CADM1: variants seen among roughly 807,000 people sequenced by gnomAD.
CADM1 encodes the protein cell adhesion molecule 1, also known as TSLC-1.
Under a neutral mutation model 53.1 loss-of-function variants are expected in CADM1, and 15 were observed. That is an observed-to-expected ratio of 0.28 (90% CI 0.19 to 0.44). The LOEUF (loss-of-function observed/expected upper bound fraction) is 0.44, where lower values mean the gene tolerates loss of function less well. Among genes scored for constraint, CADM1 ranks in the 20% least tolerant of loss-of-function variants. The probability of loss-of-function intolerance (pLI) is 1.00; values close to 1 mark genes in which losing one functional copy is unlikely to be tolerated. For missense variants in CADM1, 434 were observed against 611.3 expected (o/e 0.71, Z 3.06); for synonymous variants, 281 against 243.0 (o/e 1.16, Z -1.45).
intron 1 of CADM1, among the ~76,000 whole-genome samples, chr11:115,346,169 A>AT (rs1945571540): frequency 6.6e-6 from 1 of 152,136 alleles, no homozygotes; most frequent in Admixed American, 6.5e-5. Context: ...AAATATCCAC[A>AT]TGTGGTTCAG....
At chr11:115,192,397 T>A (rs1591591010) in intron 9 of CADM1, among the ~76,000 whole-genome samples, 1 of 152,234 alleles carries the variant, frequency 6.6e-6, no homozygotes, top group Non-Finnish European at 1.5e-5. Flanking sequence ...CAGTGAGCAA[T>A]GCAATCAATT....
At chr11:115,409,693 C>T (rs919635578) in intron 1 of CADM1, among the ~76,000 whole-genome samples, 2 of 151,878 alleles carry the variant, frequency 1.3e-5, no homozygotes, top group Admixed American at 1.3e-4. Flanking sequence ...GGTTCCTTGA[C>T]CCTCAAGACG....
Position 115,484,946 on chromosome 11 carries a change from C to CA in CADM1, c.124+19324dup, listed in dbSNP as rs113318647. On this transcript the variant is annotated intron_variant, in intron 1 of 11. Coordinates refer to ENST00000331581, the MANE Select transcript of CADM1 (RefSeq NM_001301043.2). ...TGGGCAACAGAGCGAGACTCTGTCTCAAAAAAAAAAAAAAAGAAAAGAAAA... is the reference window on the plus strand; with the variant it reads ...TGGGCAACAGAGCGAGACTCTGTCTCAAAAAAAAAAAAAAAAGAAAAGAAAA... 8.5e-3 allele frequency among the ~76,000 whole-genome samples: 781 copies of CA among 91,658 alleles called. 1 individual carries two copies. The highest frequency in any genetic ancestry group is 0.015 in the South Asian group (40 of 2,682). The allele number at this position is 91,658 out of a possible 152,430, so 60.1% of individuals were successfully genotyped here.
At chr11:115,484,047 A>G (rs1362098316) in intron 1 of CADM1, among the ~76,000 whole-genome samples, 1 of 152,240 alleles carries the variant, frequency 6.6e-6, no homozygotes, top group Non-Finnish European at 1.5e-5. Flanking sequence ...TCCTAAAGGT[A>G]ACATGCAAAA....
chr11:115,340,929 C>T (rs1371310590), intron 1 of CADM1, among the ~76,000 whole-genome samples: 1 of 151,582 alleles, frequency 6.6e-6, no homozygotes, highest in Non-Finnish European at 1.5e-5. Flanking sequence ...GCTGGGATTA[C>T]AGGCATGAGC....
At chr11:115,343,890 T>C (rs562729088) in intron 1 of CADM1, among the ~76,000 whole-genome samples, 18 of 152,288 alleles carry the variant, frequency 1.2e-4, no homozygotes, top group Admixed American at 1.0e-3. Flanking sequence ...TTGAGTTTCT[T>C]CTTAGTGTCA....
In CADM1 at chr11:115,238,537, A is replaced by T; in HGVS notation, c.387T>A (p.Asp129Glu). ...EGRYFCQLYT[D>E]PPQESYTTIT... Reference sequence around the variant, plus strand: ...TGGTGGTGTAACTTTCCTGTGGGGGATCGGTATAGAGCTGGCAAAAGTATC... The same window carrying T: ...TGGTGGTGTAACTTTCCTGTGGGGGTTCGGTATAGAGCTGGCAAAAGTATC... Residue 129 changes from aspartate to glutamate, a missense_variant, in exon 3 of 12, where the codon GAT (aspartate) becomes GAA (glutamate). Asp to Glu is a conservative substitution (Grantham distance 45, BLOSUM62 2). Coordinates refer to ENST00000331581, the MANE Select transcript of CADM1 (RefSeq NM_001301043.2). 1 of 1,613,692 alleles carries T rather than the reference A, an allele frequency of 6.2e-7. No homozygotes were observed. The highest frequency in any genetic ancestry group is 8.5e-7 in the Non-Finnish European group (1 of 1,179,808).
chr11:115,414,983 T>A lies in CADM1; in HGVS notation c.124+89288A>T, dbSNP rs150352122. Among the ~76,000 whole-genome samples the A allele has an allele frequency of 1.3e-3, 198 of 152,266 alleles. 1 individual carries two copies. The highest frequency in any genetic ancestry group is 4.5e-3 in the African/African-American group (186 of 41,564). ...ATCAATTATCCCCTAATAAGGAGGATCAGCATTTTAAAAGGATCTACGACT... is the reference window on the plus strand; with the variant it reads ...ATCAATTATCCCCTAATAAGGAGGAACAGCATTTTAAAAGGATCTACGACT... On this transcript the variant is annotated intron_variant, in intron 1 of 11. Transcript: ENST00000331581.
At chr11:115,195,495 T>C (rs1403486054) in intron 9 of CADM1, among the ~76,000 whole-genome samples, 2 of 152,208 alleles carry the variant, frequency 1.3e-5, no homozygotes, top group Non-Finnish European at 2.9e-5. Context: ...AAGATGCCCA[T>C]AGCTGATTGA....
At chr11:115,367,575 C>T (rs1372868221) in intron 1 of CADM1, among the ~76,000 whole-genome samples, 5 of 152,044 alleles carry the variant, frequency 3.3e-5, no homozygotes, top group African/African-American at 1.2e-4. Context: ...TCCCACTGCC[C>T]AGTCAACCAC....
intron 4 of CADM1, among the ~76,000 whole-genome samples, chr11:115,230,391 T>C (rs1941773131): frequency 6.6e-6 from 1 of 152,214 alleles, no homozygotes; most frequent in Non-Finnish European, 1.5e-5. Flanking sequence ...AAGTATGTAA[T>C]ACGATTAACC....
intron 1 of CADM1, among the ~76,000 whole-genome samples, chr11:115,413,641 G>GTTTTTTTTTTTTTTTTTTT (rs1215267771): frequency 1.1e-5 from 1 of 94,194 alleles, no homozygotes; most frequent in African/African-American, 3.4e-5. Flanking sequence ...CTCCAGCTCA[G>GTTTTTTTTTTTTTTTTTTT]TTCTTTTTTT....
intron 2 of CADM1, among the ~76,000 whole-genome samples, chr11:115,238,861 CAT>C (rs150429291): frequency 1.7e-3 from 261 of 149,586 alleles, no homozygotes; most frequent in African/African-American, 4.9e-3. Flanking sequence ...TGTGCGTGTG[CAT>C]ATATATATAT....
chr11:115,399,832 T>C (rs1947092584), intron 1 of CADM1, among the ~76,000 whole-genome samples: 1 of 152,004 alleles, frequency 6.6e-6, no homozygotes, highest in African/African-American at 2.4e-5. Flanking sequence ...CTCTTTCACA[T>C]AGCGTTAGCC....
intron 1 of CADM1, chr11:115,445,870 A>G (rs1011517107): frequency 2.2e-5 from 9 of 400,046 alleles, no homozygotes; most frequent in South Asian, 1.3e-4. Flanking sequence ...GAGAGAGGTA[A>G]TACAATTATA....
chr11:115,490,008 G>C (rs1051696232), intron 1 of CADM1, among the ~76,000 whole-genome samples: 1 of 152,220 alleles, frequency 6.6e-6, no homozygotes, highest in African/African-American at 2.4e-5. Flanking sequence ...GCGAGGCCAA[G>C]CATGAAGGAC....
chr11:115,464,636 T>G (rs1370543503), intron 1 of CADM1, among the ~76,000 whole-genome samples: 1 of 152,202 alleles, frequency 6.6e-6, no homozygotes, highest in Non-Finnish European at 1.5e-5. Context: ...ATAGGGTCAT[T>G]CAAGTGGAAC....
chr11:115,364,238 A>C (rs544781664), intron 1 of CADM1, among the ~76,000 whole-genome samples: 25 of 152,278 alleles, frequency 1.6e-4, no homozygotes, highest in African/African-American at 4.6e-4. Flanking sequence ...ACAGTTCTTA[A>C]ATTATATGCT....
At chr11:115,213,756 T>A (rs879714196) in intron 7 of CADM1, among the ~76,000 whole-genome samples, 2 of 152,210 alleles carry the variant, frequency 1.3e-5, no homozygotes, top group East Asian at 3.8e-4. Context: ...ATTCAAATAT[T>A]TATAACACAT....
Sources: allele counts gnomAD v4.1 joint callset (sites outside exome capture counted in the v4.1 genomes callset), GRCh38; gene constraint gnomAD v4.1.1; transcripts MANE v1.5; gene names NCBI Gene and HGNC (gene_info 2026-07-23, HGNC 2026-07-21).